The following RANBP9 variants were observed in gnomAD, a reference collection of about 807,000 sequenced individuals.
The protein encoded by RANBP9 is RAN binding protein 9.
Under a neutral mutation model 84.3 loss-of-function variants are expected in RANBP9, and 15 were observed. That is an observed-to-expected ratio of 0.18 (90% CI 0.12 to 0.27). The LOEUF (loss-of-function observed/expected upper bound fraction) is 0.27, where lower values mean the gene tolerates loss of function less well. Among genes scored for constraint, RANBP9 ranks in the 10% least tolerant of loss-of-function variants. RANBP9 has a pLI of 1.00. For synonymous variants in RANBP9, 392 were observed against 349.6 expected (o/e 1.12, Z -1.35); for missense variants, 809 against 912.8 (o/e 0.89, Z 1.46).
At position 13,648,141 on chromosome 6, in the gene RANBP9, G is replaced by GTTTTTTTTTTT. The variant is rs375219477; in HGVS notation, c.928-3423_928-3413dup. Among the ~76,000 whole-genome samples the GTTTTTTTTTTT allele has an allele frequency of 3.3e-4, 27 of 80,672 alleles. 2 individuals carry two copies. The highest frequency in any genetic ancestry group is 5.2e-4 in the Non-Finnish European group (22 of 42,130). 52.9% of individuals were successfully genotyped at this position (80,672 alleles called of 152,430 possible). On this transcript the variant is annotated intron_variant, in intron 5 of 13. Coordinates refer to ENST00000011619, the MANE Select transcript of RANBP9 (RefSeq NM_005493.3). ...CAAAATATGTGATCTTATATGACTG[G>GTTTTTTTTTTT]TTTTTTTTTTTTTTTTTTTTTTTTT...
chr6:13,623,867 T>C (rs1562293599), intron 13 of RANBP9, among the ~76,000 whole-genome samples: 1 of 152,202 alleles, frequency 6.6e-6, no homozygotes, highest in Non-Finnish European at 1.5e-5. Flanking sequence ...AGTATATGTG[T>C]CTATAGATAA....
chr6:13,708,474 T>C (rs1274319230), intron 1 of RANBP9, among the ~76,000 whole-genome samples: 1 of 151,732 alleles, frequency 6.6e-6, no homozygotes, highest in Admixed American at 6.6e-5. Flanking sequence ...CCAGAATACC[T>C]TTGGAGCAAA....
chr6:13,668,917 A>G (rs927144755), intron 2 of RANBP9, among the ~76,000 whole-genome samples: 2 of 152,202 alleles, frequency 1.3e-5, no homozygotes, highest in Non-Finnish European at 2.9e-5. Flanking sequence ...CATAAAAGCC[A>G]TCAGATCAGA....
chr6:13,635,917 T>G (rs1764927006), intron 10 of RANBP9, among the ~76,000 whole-genome samples: 1 of 152,108 alleles, frequency 6.6e-6, no homozygotes, highest in South Asian at 2.1e-4. Flanking sequence ...CTAAGGATAT[T>G]ATGAAACAGC....
intron 2 of RANBP9, among the ~76,000 whole-genome samples, chr6:13,691,221 G>A (rs1248212978): frequency 1.3e-5 from 2 of 150,148 alleles, no homozygotes; most frequent in Non-Finnish European, 3.0e-5. Flanking sequence ...CTTGTGAAAT[G>A]CATTAGATTT....
intron 1 of RANBP9, 26 bp downstream of exon 1, chr6:13,710,908 TC>T: frequency 6.3e-7 from 1 of 1,575,136 alleles, no homozygotes; most frequent in Non-Finnish European, 8.6e-7. Context: ...AGTGCCCCAC[TC>T]CCACCGCAGG....
intron 8 of RANBP9, among the ~76,000 whole-genome samples, chr6:13,640,210 A>C (rs1765033236): frequency 6.6e-6 from 1 of 152,220 alleles, no homozygotes; most frequent in Non-Finnish European, 1.5e-5. Context: ...TCTTATTCTA[A>C]AGCAAAACAA....
chr6:13,659,540 A>G (rs1427910826), intron 2 of RANBP9, among the ~76,000 whole-genome samples: 2 of 152,196 alleles, frequency 1.3e-5, no homozygotes, highest in Non-Finnish European at 2.9e-5. Context: ...AACATTAACA[A>G]CAAAACCTGA....
chr6:13,696,835 G>T lies in RANBP9; in HGVS notation c.633C>A (p.Ala211=), dbSNP rs748076955. The T allele has an allele frequency of 4.3e-6, 7 of 1,613,196 alleles. No individual in the cohort carries two copies. The highest frequency in any genetic ancestry group is 5.9e-6 in the Non-Finnish European group (7 of 1,179,468). The change falls in exon 2 of 14, where the codon GCC becomes GCA. Residue 211 remains alanine (A), a synonymous_variant. Transcript: ENST00000011619. The stretch of plus-strand genomic sequence containing the variant: ...TTACTTCAAAATAATAAATCCCACA[G>T]GCTGCTGGTATTGGATGCGTGGCTC... ...SVRATHPIPA[A]CGIYYFEVKI... is the part of the protein sequence containing the mutation.
At chr6:13,696,419 T>C (rs1757828438) in intron 2 of RANBP9, among the ~76,000 whole-genome samples, 1 of 152,136 alleles carries the variant, frequency 6.6e-6, no homozygotes, top group Non-Finnish European at 1.5e-5. Flanking sequence ...ATCTGTAAAA[T>C]ACCTATGAAT....
chr6:13,676,390 A>G (rs189122387), intron 2 of RANBP9, among the ~76,000 whole-genome samples: 1 of 152,244 alleles, frequency 6.6e-6, no homozygotes, highest in African/African-American at 2.4e-5. Context: ...AGGAAGAAAT[A>G]ACACAACTGT....
chr6:13,701,880 C>T (rs781472519), intron 1 of RANBP9, among the ~76,000 whole-genome samples: 1 of 152,168 alleles, frequency 6.6e-6, no homozygotes, highest in Admixed American at 6.5e-5. Flanking sequence ...GTCTTCACCT[C>T]TTCCACTATT....
chr6:13,656,210 A>G (rs1421411037), intron 4 of RANBP9, among the ~76,000 whole-genome samples: 2 of 152,172 alleles, frequency 1.3e-5, no homozygotes, highest in African/African-American at 4.8e-5. Flanking sequence ...ATACTACTTT[A>G]AGTCTAATTT....
In RANBP9 at chr6:13,632,354, G is replaced by GA; in HGVS notation, c.1947+15dup. The GA allele has an allele frequency of 6.2e-7, 1 of 1,605,306 alleles. No individual in the cohort carries two copies. The highest frequency in any genetic ancestry group is 1.7e-4 in the Middle Eastern group (1 of 6,016). ...CTCTGACATATTCATAATTTTTCAAGAAAAAATATATTCACCTTCAACATT... is the reference window on the plus strand; with the variant it reads ...CTCTGACATATTCATAATTTTTCAAGAAAAAAATATATTCACCTTCAACATT... On this transcript the variant is annotated intron_variant, in intron 12 of 13. Coordinates refer to ENST00000011619, the MANE Select transcript of RANBP9 (RefSeq NM_005493.3).
chr6:13,676,645 T>C (rs1765890838), intron 2 of RANBP9, among the ~76,000 whole-genome samples: 1 of 151,852 alleles, frequency 6.6e-6, no homozygotes, highest in Admixed American at 6.5e-5. Context: ...AAATTAAAAT[T>C]TTAAAAAAAG....
intron 12 of RANBP9, 36 bp downstream of exon 12, chr6:13,632,334 A>C: frequency 1.3e-6 from 2 of 1,595,022 alleles, no homozygotes; most frequent in Non-Finnish European, 1.7e-6. Flanking sequence ...AGTTCCTCTG[A>C]CATATTCATA....
chr6:13,639,488 A>T, intron 9 of RANBP9, 75 bp downstream of exon 9: 1 of 1,456,018 alleles, frequency 6.9e-7, no homozygotes, highest in Non-Finnish European at 9.4e-7. Flanking sequence ...GGAAATATAC[A>T]GATTTTCAAA....
At chr6:13,677,107 ACAT>A (rs1230695037) in intron 2 of RANBP9, among the ~76,000 whole-genome samples, 1 of 152,194 alleles carries the variant, frequency 6.6e-6, no homozygotes, top group Non-Finnish European at 1.5e-5. Context: ...TATGCAGACA[ACAT>A]CAAAGAATTG....
intron 2 of RANBP9, among the ~76,000 whole-genome samples, chr6:13,694,565 C>T (rs1426267929): frequency 6.6e-6 from 1 of 152,180 alleles, no homozygotes; most frequent in East Asian, 1.9e-4. Context: ...CTATATAAAG[C>T]AGTCCGCATT....
Sources: gnomAD v4.1 joint callset for allele counts (sites outside exome capture counted in the v4.1 genomes callset) on GRCh38, gnomAD v4.1.1 for gene constraint, MANE v1.5 for transcripts, NCBI Gene and HGNC (gene_info 2026-07-23, HGNC 2026-07-21) for gene names.